The following NLGN1 variants were observed in gnomAD, a reference collection of about 807,000 sequenced individuals.
NLGN1 encodes neuroligin-1.
NLGN1 carries 12 observed loss-of-function variants against 65.5 expected under a neutral mutation model. The ratio of observed to expected loss-of-function variants is 0.18; its 90% confidence interval spans 0.12 to 0.30. The LOEUF (loss-of-function observed/expected upper bound fraction) is 0.30, where lower values mean the gene tolerates loss of function less well. Ranked by LOEUF, NLGN1 falls within the 10% of genes least tolerant of loss-of-function variation. The probability of loss-of-function intolerance (pLI) is 1.00; values close to 1 mark genes in which losing one functional copy is unlikely to be tolerated. For missense variants in NLGN1, 750 were observed against 1,007.1 expected (o/e 0.74, Z 3.46); for synonymous variants, 350 against 359.5 (o/e 0.97, Z 0.30).
chr3:173,569,822 C>A (rs1327657329), intron 2 of NLGN1, among the ~76,000 whole-genome samples: 1 of 151,872 alleles, frequency 6.6e-6, no homozygotes, highest in African/African-American at 2.4e-5. Flanking sequence ...GCAGTAAGTT[C>A]AACTGAGGCC....
intron 3 of NLGN1, among the ~76,000 whole-genome samples, chr3:173,688,301 C>T (rs1764971196): frequency 6.6e-6 from 1 of 152,094 alleles, no homozygotes; most frequent in African/African-American, 2.4e-5. Flanking sequence ...GCTAATGGCT[C>T]CTGAGGATGC....
At chr3:174,158,555 G>A (rs1444538230) in intron 4 of NLGN1, among the ~76,000 whole-genome samples, 1 of 151,602 alleles carries the variant, frequency 6.6e-6, no homozygotes, top group Non-Finnish European at 1.5e-5. Context: ...GCATACCTTG[G>A]TGCTGTTATA....
At chr3:174,107,230 T>C (rs1221597210) in intron 4 of NLGN1, among the ~76,000 whole-genome samples, 1 of 152,042 alleles carries the variant, frequency 6.6e-6, no homozygotes, top group African/African-American at 2.4e-5. Context: ...AACACTACCA[T>C]CATCATAAGG....
At chr3:174,252,905 A>G (rs1057105276) in intron 4 of NLGN1, among the ~76,000 whole-genome samples, 25 of 152,192 alleles carry the variant, frequency 1.6e-4, no homozygotes, top group African/African-American at 6.0e-4. Flanking sequence ...TATTAAAACT[A>G]TAAATTGAGT....
At chr3:174,101,217 A>G (rs897272744) in intron 4 of NLGN1, among the ~76,000 whole-genome samples, 21 of 152,178 alleles carry the variant, frequency 1.4e-4, no homozygotes, top group Non-Finnish European at 1.9e-4. Flanking sequence ...TTCTGTTAAT[A>G]GATAAATGTA....
rs181460139 is a variant in NLGN1 at position 173,892,421 on chromosome 3, A to G, written c.646+84589A>G. ...AGATTTTCCTATGTATGTTTTATAT[A>G]CATCATTTCCTTTTAACTTTCACAA... On this transcript the variant is annotated intron_variant, in intron 4 of 6. Transcript: ENST00000457714. Among the ~76,000 whole-genome samples the G allele has an allele frequency of 2.4e-3, 370 of 152,162 alleles. 3 individuals carry two copies. Among genetic ancestry groups the G allele is most frequent in the African/African-American group, 8.1e-3 (337 of 41,520 alleles).
rs182473572 is a variant in NLGN1 at position 173,518,008 on chromosome 3, G to T, written c.-321+82930G>T. Among the ~76,000 whole-genome samples the T allele has an allele frequency of 3.8e-3, 576 of 152,252 alleles. 1 individual carries two copies. Among genetic ancestry groups the T allele is most frequent in the African/African-American group, 0.014 (564 of 41,580 alleles). Reference sequence around the variant, plus strand: ...CCATCCTTTTGTACACATGAGAAAAGCCTTTAAATGAGAAATTAGATCAAA... The same window carrying T: ...CCATCCTTTTGTACACATGAGAAAATCCTTTAAATGAGAAATTAGATCAAA... On this transcript the variant is annotated intron_variant, in intron 2 of 6. Coordinates refer to ENST00000457714, the Ensembl canonical transcript of NLGN1.
chr3:173,472,274 T>A (rs1725441852), intron 2 of NLGN1, among the ~76,000 whole-genome samples: 1 of 152,126 alleles, frequency 6.6e-6, no homozygotes, highest in Non-Finnish European at 1.5e-5. Context: ...CTCTGTTTCC[T>A]CCACTTTTTT....
rs114354795 is a variant in NLGN1, at chr3:174,197,342, C to A, written c.647-77973C>A. Among the ~76,000 whole-genome samples the A allele has an allele frequency of 3.4e-3, 511 of 151,798 alleles. 3 individuals carry two copies. The highest frequency in any genetic ancestry group is 0.012 in the African/African-American group (489 of 41,382). ...AACCAAGCTTAAAAACTAACAGGAA[C>A]CAAGCCGTCTTGGTGGAAGAGGAAA... On this transcript the variant is annotated intron_variant, in intron 4 of 6. Coordinates refer to ENST00000457714, the Ensembl canonical transcript of NLGN1.
intron 4 of NLGN1, among the ~76,000 whole-genome samples, chr3:173,808,280 G>T (rs1398860431): frequency 6.6e-6 from 1 of 151,964 alleles, no homozygotes; most frequent in Non-Finnish European, 1.5e-5. Flanking sequence ...TTGGTTTGTT[G>T]TTGTTATTTT....
intron 3 of NLGN1, among the ~76,000 whole-genome samples, chr3:173,699,553 C>T (rs777447927): frequency 1.1e-4 from 16 of 152,282 alleles, no homozygotes; most frequent in Admixed American, 2.0e-4. Flanking sequence ...GCAGTGAATA[C>T]AAATGTAAGC....
At chr3:173,744,884 T>C (rs1775145263) in intron 3 of NLGN1, among the ~76,000 whole-genome samples, 2 of 152,086 alleles carry the variant, frequency 1.3e-5, no homozygotes, top group Non-Finnish European at 2.9e-5. Flanking sequence ...TATATCTTAT[T>C]CTGCTACCGT....
At chr3:173,772,802 T>C (rs1779770116) in intron 3 of NLGN1, among the ~76,000 whole-genome samples, 1 of 152,196 alleles carries the variant, frequency 6.6e-6, no homozygotes, top group Admixed American at 6.5e-5. Flanking sequence ...CCTTTTTCTG[T>C]ATTCACTGAG....
chr3:174,292,245 A>T, the NLGN1 span, among the ~76,000 whole-genome samples: 3 of 151,408 alleles, frequency 2.0e-5, no homozygotes, highest in Non-Finnish European at 4.4e-5. Context: ...AGCATCCTTA[A>T]GGACCAGATT....
At chr3:174,278,797 T>G in intron 5 of NLGN1, 64 bp from the exon 6 acceptor site, 3 of 1,242,208 alleles carry the variant, frequency 2.4e-6, no homozygotes, top group Non-Finnish European at 3.3e-6. Context: ...AAATATCAGA[T>G]GTTATTGTTT....
At chr3:174,121,405 T>C (rs993030769) in intron 4 of NLGN1, among the ~76,000 whole-genome samples, 1 of 152,206 alleles carries the variant, frequency 6.6e-6, no homozygotes, top group Non-Finnish European at 1.5e-5. Context: ...GACCTGTGCT[T>C]TGTGTAAAAA....
chr3:173,900,707 G>T (rs1053779517), intron 4 of NLGN1, among the ~76,000 whole-genome samples: 5 of 151,938 alleles, frequency 3.3e-5, no homozygotes, highest in African/African-American at 1.2e-4. Context: ...GGGGAAGACG[G>T]TCATGCAAAG....
chr3:173,834,810 A>G (rs1256599268), intron 4 of NLGN1, among the ~76,000 whole-genome samples: 1 of 152,180 alleles, frequency 6.6e-6, no homozygotes, highest in Non-Finnish European at 1.5e-5. Context: ...GCTAAACTGT[A>G]TTTATCTCTA....
intron 4 of NLGN1, among the ~76,000 whole-genome samples, chr3:174,218,928 G>A (rs910635982): frequency 6.6e-6 from 1 of 151,972 alleles, no homozygotes; most frequent in Non-Finnish European, 1.5e-5. Context: ...TATTGAGATT[G>A]GGATGATGCT....
Sources: gnomAD v4.1 joint callset for allele counts (sites outside exome capture counted in the v4.1 genomes callset) on GRCh38, gnomAD v4.1.1 for gene constraint, MANE v1.5 for transcripts, NCBI Gene and HGNC (gene_info 2026-07-23, HGNC 2026-07-21) for gene names.